COL27A1: variants seen among roughly 807,000 people sequenced by gnomAD.
COL27A1 encodes the protein collagen type XXVII alpha 1 chain.
Under a neutral mutation model 251.3 loss-of-function variants are expected in COL27A1, and 106 were observed. That is an observed-to-expected ratio of 0.42 (90% confidence interval 0.36 to 0.50). COL27A1 has a LOEUF of 0.50. Ranked by LOEUF, COL27A1 falls within the 20% of genes least tolerant of loss-of-function variation. The pLI is 0.00. For missense variants in COL27A1, 2,325 were observed against 2,522.8 expected (o/e 0.92, Z 1.68); for synonymous variants, 1,000 against 986.3 (o/e 1.01, Z -0.26).
chr9:114,297,315 G>A (rs538121227), intron 49 of COL27A1, among the ~76,000 whole-genome samples: 7 of 152,244 alleles, frequency 4.6e-5, no homozygotes, highest in East Asian at 1.9e-4. Context: ...AGGACATCAC[G>A]CAACTGGTTC....
upstream of COL27A1, among the ~76,000 whole-genome samples, chr9:114,154,966 G>C (rs568148711): frequency 7.2e-5 from 11 of 152,194 alleles, no homozygotes; most frequent in Admixed American, 2.0e-4. This position sits in a 1 kb window ranked among gnomAD's most constrained non-coding sequence, Gnocchi z 5.8. Flanking sequence ...GTCGATTCTG[G>C]GGAGGTGCGT....
chr9:114,162,110 C>T (rs899722797), intron 1 of COL27A1, among the ~76,000 whole-genome samples: 1 of 152,248 alleles, frequency 6.6e-6, no homozygotes, highest in African/African-American at 2.4e-5. Flanking sequence ...TGTTTTCTTT[C>T]TCCCACTTTC....
intron 12 of COL27A1, among the ~76,000 whole-genome samples, chr9:114,211,627 C>A (rs1436784899): frequency 6.6e-6 from 1 of 152,210 alleles, no homozygotes; most frequent in African/African-American, 2.4e-5. Context: ...AGAGCCAAGG[C>A]ACGGAGAGAT....
intron 4 of COL27A1, among the ~76,000 whole-genome samples, chr9:114,178,885 C>T (rs920914026): frequency 1.3e-5 from 2 of 152,258 alleles, no homozygotes; most frequent in African/African-American, 4.8e-5. Flanking sequence ...TGCCTGGCAC[C>T]TTCTTTTATG....
At chr9:114,271,105 T>C in intron 36 of COL27A1, 1 of 365,944 alleles carries the variant, frequency 2.7e-6, no homozygotes, top group Non-Finnish European at 4.9e-6. Context: ...CCAGAGTCTT[T>C]GGTCTCTGTT....
At chr9:114,233,209 G>A (rs1373172578) in intron 16 of COL27A1, among the ~76,000 whole-genome samples, 8 of 152,212 alleles carry the variant, frequency 5.3e-5, no homozygotes, top group Admixed American at 4.6e-4. Context: ...CAGTTCCTAC[G>A]TCTCACAGAT....
rs187396762 is a variant in COL27A1, at chr9:114,236,763, G to T, written c.2620-218G>T. On this transcript the variant is annotated intron_variant, in intron 17 of 60. Coordinates refer to ENST00000356083, the MANE Select transcript of COL27A1 (RefSeq NM_032888.4). ...CTGATTCTTCCTGGTGAGGACAGGG[G>T]CTGCTGTTTCATGTTAGCATTTCCT... is the stretch of plus-strand genomic sequence containing the variant. Among the ~76,000 whole-genome samples, 837 of 152,286 alleles carry T rather than the reference G, an allele frequency of 5.5e-3. 3 individuals are homozygous for T. The highest frequency in any genetic ancestry group is 9.8e-3 in the Non-Finnish European group (664 of 68,012).
At chr9:114,302,719 A>T (rs1452850359) in intron 56 of COL27A1, among the ~76,000 whole-genome samples, 2 of 93,520 alleles carry the variant, frequency 2.1e-5, no homozygotes, top group African/African-American at 4.0e-5. Context: ...AAAAGAAACA[A>T]AAAAAACAAA....
chr9:114,173,729 T>A (rs1048111519), intron 3 of COL27A1, among the ~76,000 whole-genome samples: 1 of 151,910 alleles, frequency 6.6e-6, no homozygotes, highest in African/African-American at 2.4e-5. Flanking sequence ...GTAAAGCACA[T>A]ATGAAACCTG....
At chr9:114,203,995 T>C (rs1371612247) in intron 7 of COL27A1, among the ~76,000 whole-genome samples, 1 of 152,070 alleles carries the variant, frequency 6.6e-6, no homozygotes, top group African/African-American at 2.4e-5. Context: ...GATGAAGTCA[T>C]CTATTATGCA....
intron 3 of COL27A1, among the ~76,000 whole-genome samples, chr9:114,171,779 G>A (rs1020369276): frequency 2.6e-5 from 4 of 152,226 alleles, no homozygotes; most frequent in Non-Finnish European, 4.4e-5. Flanking sequence ...AGAAGCTTCC[G>A]ATTCGATAAC....
At position 114,240,446 on chromosome 9, in the gene COL27A1, G is replaced by A. The variant is rs1481916612; in HGVS notation, c.2794G>A (p.Ala932Thr). 5 of 1,613,192 alleles carry A rather than the reference G, an allele frequency of 3.1e-6. No individual in the cohort carries two copies. Among genetic ancestry groups the A allele is most frequent in the Non-Finnish European group, 4.2e-6 (5 of 1,179,926 alleles). Residue 932 changes from alanine (A) to threonine (T), a missense_variant, in exon 21 of 61, where the codon GCC (alanine) becomes ACC (threonine). By Grantham distance (58) the Ala-to-Thr change is moderately conservative (BLOSUM62 0). Around this residue, in one of 4 missense-constraint regions of COL27A1, gnomAD observed 662 missense variants for 795.3 expected, o/e 0.83. Coordinates refer to ENST00000356083, the MANE Select transcript of COL27A1 (RefSeq NM_032888.4). ...CCCTTCTCCCCAGGGTAAGCCTGGAGCCCGAGGCCTGCCGGGACCCCGTGG... is the reference window on the plus strand; with the variant it reads ...CCCTTCTCCCCAGGGTAAGCCTGGAACCCGAGGCCTGCCGGGACCCCGTGG... Reference protein sequence around the residue: ...GPEGMKGKPGARGLPGPRGQL... With the variant: ...GPEGMKGKPGTRGLPGPRGQL...
chr9:114,157,847 C>T (rs1346134928), intron 1 of COL27A1, among the ~76,000 whole-genome samples: 2 of 152,226 alleles, frequency 1.3e-5, no homozygotes, highest in South Asian at 2.1e-4. Context: ...AAACCGGCAC[C>T]TTATTCCTAG....
intron 27 of COL27A1, among the ~76,000 whole-genome samples, chr9:114,256,031 G>A (rs1342320105): frequency 1.3e-5 from 2 of 152,154 alleles, no homozygotes; most frequent in African/African-American, 4.8e-5. Context: ...CTTCATGAAT[G>A]GTGATAACTA....
intron 13 of COL27A1, among the ~76,000 whole-genome samples, chr9:114,221,463 C>T (rs1217031282): frequency 6.6e-6 from 1 of 152,218 alleles, no homozygotes. Context: ...TTCTTCCTCT[C>T]ATTTGAAGTG....
chr9:114,157,456 C>T (rs922608578), intron 1 of COL27A1, among the ~76,000 whole-genome samples: 5 of 152,250 alleles, frequency 3.3e-5, no homozygotes, highest in Non-Finnish European at 5.9e-5. Context: ...GCCTCTGCCT[C>T]CTTCTGTTTC....
chr9:114,195,954 T>A lies in COL27A1; in HGVS notation c.2071-5T>A. The A allele has an allele frequency of 6.2e-7, 1 of 1,612,042 alleles. No homozygotes were observed. The highest frequency in any genetic ancestry group is 8.5e-7 in the Non-Finnish European group (1 of 1,178,038). ...TGCCTCACCCACCTTGTCTGTGTCT[T>A]CCAGGGTGACATGGGCTTGCCTGGG... is the stretch of plus-strand genomic sequence containing the variant. On this transcript the variant is annotated splice_polypyrimidine_tract_variant and splice_region_variant and intron_variant, in intron 6 of 60. Coordinates refer to ENST00000356083, the MANE Select transcript of COL27A1 (RefSeq NM_032888.4).
chr9:114,270,654 G>C, intron 35 of COL27A1, 74 bp from the exon 36 acceptor site: 2 of 1,203,792 alleles, frequency 1.7e-6, no homozygotes, highest in Non-Finnish European at 2.4e-6. Context: ...CCCAGGGAGG[G>C]GGAAGAGAGG....
At position 114,288,718 on chromosome 9, in the gene COL27A1, G is replaced by T. The variant is rs10982134; in HGVS notation, c.4061G>T (p.Arg1354Leu). The change falls in exon 43 of 61, where the codon CGA becomes CTA. Residue 1354 changes from arginine to leucine, a missense_variant. Around this residue, in one of 4 missense-constraint regions of COL27A1, gnomAD observed 662 missense variants for 795.3 expected, o/e 0.83. Coordinates refer to ENST00000356083, the MANE Select transcript of COL27A1 (RefSeq NM_032888.4). Reference sequence around the variant, plus strand: ...GTCATTCAGGGCCCTGTGGGTGATCGAGGAGACCGCGGGGAACCGGGAGAC... The same window carrying T: ...GTCATTCAGGGCCCTGTGGGTGATCTAGGAGACCGCGGGGAACCGGGAGAC... ...PPGDRGPVGDRGDRGEPGDPG... is the reference protein window; with the variant it reads ...PPGDRGPVGDLGDRGEPGDPG... 6.2e-7 allele frequency: 1 copy of T among 1,609,344 alleles called. No individual in the cohort carries two copies. Among genetic ancestry groups the T allele is most frequent in the Non-Finnish European group, 8.5e-7 (1 of 1,176,440 alleles).
Sources: allele counts gnomAD v4.1 joint callset (sites outside exome capture counted in the v4.1 genomes callset), GRCh38; gene constraint gnomAD v4.1.1; regional missense constraint gnomAD v4.1.1; non-coding constraint Gnocchi (gnomAD v3.1); transcripts MANE v1.5; gene names NCBI Gene and HGNC (gene_info 2026-07-23, HGNC 2026-07-21).